GAB1: variants seen among roughly 807,000 people sequenced by gnomAD.
GAB1 encodes the protein GRB2 associated binding protein 1, also known as GRB2-associated-binding protein 1.
GAB1 carries 19 observed loss-of-function variants against 66.5 expected under a neutral mutation model. The ratio of observed to expected loss-of-function variants is 0.29; its 90% CI spans 0.20 to 0.42. The LOEUF (loss-of-function observed/expected upper bound fraction) is 0.42, where lower values mean the gene tolerates loss of function less well. GAB1 is among the 10% of genes least tolerant of loss of function. The probability of loss-of-function intolerance (pLI) is 1.00; values close to 1 mark genes in which losing one functional copy is unlikely to be tolerated. For missense variants in GAB1, 732 were observed against 858.5 expected (o/e 0.85, Z 1.84); for synonymous variants, 294 against 301.4 (o/e 0.98, Z 0.25).
At chr4:143,433,460 T>C in intron 2 of GAB1, 31 bp from the exon 3 acceptor site, 1 of 1,519,662 alleles carries the variant, frequency 6.6e-7, no homozygotes, top group Non-Finnish European at 9.1e-7. Flanking sequence ...TTAACTGTGA[T>C]AGACGTGATA....
chr4:143,465,047 G>C (rs906365809), intron 8 of GAB1, among the ~76,000 whole-genome samples: 2 of 152,134 alleles, frequency 1.3e-5, no homozygotes, highest in Non-Finnish European at 2.9e-5. Context: ...AGTGCACAAG[G>C]ATGAAATTCC....
At chr4:143,459,314 CAG>C in intron 6 of GAB1, 69 bp from the exon 7 acceptor site, 2 of 880,990 alleles carry the variant, frequency 2.3e-6, no homozygotes, top group Admixed American at 1.9e-5. Flanking sequence ...AATAGAGTTA[CAG>C]AGAGAGAATC....
Position 143,472,510 on chromosome 4 carries a change from T to C in GAB1, c.*3321T>C, listed in dbSNP as rs892364358. 12 of 152,244 alleles carry C rather than the reference T, an allele frequency of 7.9e-5. No homozygotes were observed. The highest frequency in any genetic ancestry group is 2.7e-4 in the African/African-American group (11 of 41,470). The allele number at this position is 152,244 out of a possible 1,614,324, so 9.4% of individuals were successfully genotyped here. On this transcript the variant is annotated 3_prime_UTR_variant, in exon 10 of 10. Transcript: ENST00000262994. ...CCCTTTAGAGAAAACAGTATTTTTA[T>C]ATTTTGTTAAAATATTAACTACTTT... is the stretch of plus-strand genomic sequence containing the variant.
rs753543696 is a variant in GAB1, at chr4:143,415,505, G to A, written c.101G>A (p.Arg34His). 6 of 1,611,782 alleles carry A rather than the reference G, an allele frequency of 3.7e-6. No homozygotes were observed. The highest frequency in any genetic ancestry group is 2.2e-5 in the South Asian group (2 of 90,898). Residue 34 changes from arginine to histidine, a missense_variant, in exon 2 of 10, where the codon CGC becomes CAC. Coordinates refer to ENST00000262994, the MANE Select transcript of GAB1 (RefSeq NM_002039.4). ...TGGAAGAGGAGATGGTTCGTGTTAC[G>A]CAGTGGCCGTTTAACTGGAGATCCA... The part of the protein sequence containing the change: ...YAWKRRWFVL[R>H]SGRLTGDPDV...
chr4:143,423,305 G>C (rs1578691241), intron 2 of GAB1, among the ~76,000 whole-genome samples: 2 of 152,320 alleles, frequency 1.3e-5, no homozygotes, highest in Non-Finnish European at 2.9e-5. Flanking sequence ...ATGTGGTTTG[G>C]AGTGGTTGGG....
At chr4:143,440,797 T>C (rs1054590773) in intron 6 of GAB1, among the ~76,000 whole-genome samples, 1 of 152,184 alleles carries the variant, frequency 6.6e-6, no homozygotes, top group African/African-American at 2.4e-5. Context: ...AGATTTCAGA[T>C]TTTATATGTA....
intron 1 of GAB1, among the ~76,000 whole-genome samples, chr4:143,360,165 T>A (rs1729604803): frequency 1.3e-5 from 2 of 152,024 alleles, no homozygotes; most frequent in South Asian, 4.1e-4. Context: ...TTCTTTTGTA[T>A]AAGTAGATTC....
At chr4:143,366,911 G>A (rs1405763232) in intron 1 of GAB1, among the ~76,000 whole-genome samples, 1 of 152,016 alleles carries the variant, frequency 6.6e-6, no homozygotes, top group Non-Finnish European at 1.5e-5. Flanking sequence ...CACGTCTCAT[G>A]TCTTTCGTGG....
chr4:143,370,790 C>A (rs1399929893), intron 1 of GAB1, among the ~76,000 whole-genome samples: 1 of 152,150 alleles, frequency 6.6e-6, no homozygotes, highest in East Asian at 1.9e-4. Context: ...TGAGTGAGAA[C>A]ATGCAGTGTT....
intron 3 of GAB1, 90 bp from the exon 4 acceptor site, chr4:143,437,905 CCTAT>C: frequency 8.3e-7 from 1 of 1,198,450 alleles, no homozygotes; most frequent in African/African-American, 1.5e-5. Context: ...TGAGAAAAGC[CCTAT>C]CTTTTGATTG....
intron 1 of GAB1, chr4:143,395,425 G>C: frequency 6.4e-6 from 1 of 157,070 alleles, no homozygotes; most frequent in East Asian, 1.9e-4. Context: ...GCCAGTTGAT[G>C]GCATTTTTTA....
intron 6 of GAB1, among the ~76,000 whole-genome samples, chr4:143,454,490 G>A (rs1269691931): frequency 1.3e-5 from 2 of 152,192 alleles, no homozygotes; most frequent in African/African-American, 2.4e-5. Context: ...CTTAAGTATT[G>A]TTTTGAAAGA....
intron 8 of GAB1, among the ~76,000 whole-genome samples, chr4:143,463,857 A>G (rs1460140514): frequency 6.6e-6 from 1 of 152,218 alleles, no homozygotes; most frequent in Non-Finnish European, 1.5e-5. Flanking sequence ...CAGTTCTAGT[A>G]ATAACAGACA....
At chr4:143,412,896 A>G (rs1415015218) in intron 1 of GAB1, among the ~76,000 whole-genome samples, 2 of 152,342 alleles carry the variant, frequency 1.3e-5, no homozygotes, top group Admixed American at 6.5e-5. Context: ...CTATACAAGC[A>G]TAGCAATATG....
chr4:143,457,487 A>C (rs1343605357), intron 6 of GAB1, among the ~76,000 whole-genome samples: 1 of 151,626 alleles, frequency 6.6e-6, no homozygotes, highest in Non-Finnish European at 1.5e-5. Flanking sequence ...CCTCTTTTCC[A>C]TTGTGCTGAG....
intron 1 of GAB1, among the ~76,000 whole-genome samples, chr4:143,367,552 CTT>C (rs33926534): frequency 0.089 from 12,485 of 141,062 alleles, 709 homozygotes; most frequent in African/African-American, 0.17. Context: ...TAAATGTTTG[CTT>C]TTTTTTTTTT....
intron 1 of GAB1, among the ~76,000 whole-genome samples, chr4:143,347,944 G>A (rs1443022867): frequency 6.6e-6 from 1 of 152,140 alleles, no homozygotes; most frequent in Non-Finnish European, 1.5e-5. Flanking sequence ...ATTTCATAAT[G>A]GAATACAGCT....
rs539674148 is a variant in GAB1, at chr4:143,346,295, C to G, written c.72+9035C>G. Among the ~76,000 whole-genome samples the G allele has an allele frequency of 9.2e-5, 14 of 152,330 alleles. No individual in the cohort carries two copies. In the South Asian group the frequency reaches 2.7e-3, roughly 29 times the overall value. On this transcript the variant is annotated intron_variant, in intron 1 of 9. Transcript: ENST00000262994. ...CCAACTAGCATGTAGATGTTTTTCT[C>G]TCCTGAAATGCAGCTTTTAGTTACT...
At position 143,420,967 on chromosome 4, in the gene GAB1, C is replaced by A. The variant is rs184619866; in HGVS notation, c.367+5196C>A. Among the ~76,000 whole-genome samples, 431 of 152,016 alleles carry A rather than the reference C, an allele frequency of 2.8e-3. 2 individuals are homozygous for A. The highest frequency in any genetic ancestry group is 5.0e-3 in the Non-Finnish European group (340 of 67,888). The stretch of plus-strand genomic sequence containing the variant: ...GGGCACAGATCTTAAGTATACAGTT[C>A]AATGTAGTTTTATGTATTGATCTAT... On this transcript the variant is annotated intron_variant, in intron 2 of 9. Transcript: ENST00000262994.
Sources: gnomAD v4.1 joint callset for allele counts (sites outside exome capture counted in the v4.1 genomes callset) on GRCh38, gnomAD v4.1.1 for gene constraint, MANE v1.5 for transcripts, NCBI Gene and HGNC (gene_info 2026-07-23, HGNC 2026-07-21) for gene names.